Variants in PPFIBP2 observed in about 807,000 individuals in gnomAD.
The protein encoded by PPFIBP2 is liprin-beta-2.
In PPFIBP2, 118 loss-of-function variants were observed where a neutral mutation model predicts 118.3. The ratio of observed to expected loss-of-function variants is 1.00; its 90% CI spans 0.86 to 1.16. The LOEUF is 1.16. Among genes scored for constraint, PPFIBP2 ranks in the 50% most tolerant of loss-of-function variants. The probability of loss-of-function intolerance (pLI) is 0.00; values close to 1 mark genes in which losing one functional copy is unlikely to be tolerated. For synonymous variants in PPFIBP2, 414 were observed against 397.4 expected (o/e 1.04, Z -0.50); for missense variants, 1,195 against 1,073.1 (o/e 1.11, Z -1.59).
At chr11:7,651,379 T>C (rs993619482) in intron 22 of PPFIBP2, 3 of 410,558 alleles carry the variant, frequency 7.3e-6, no homozygotes, top group Non-Finnish European at 1.3e-5. Context: ...GGCTTGGATG[T>C]CATCCAGAGA....
At chr11:7,617,701 G>C (rs1848829467) in intron 6 of PPFIBP2, among the ~76,000 whole-genome samples, 1 of 152,026 alleles carries the variant, frequency 6.6e-6, no homozygotes, top group South Asian at 2.1e-4. Flanking sequence ...TTAAGGAAAA[G>C]AAGTATTATG....
At chr11:7,633,170 G>T (rs950204631) in intron 12 of PPFIBP2, among the ~76,000 whole-genome samples, 3 of 152,206 alleles carry the variant, frequency 2.0e-5, no homozygotes, top group East Asian at 3.8e-4. Context: ...TCTGGCCAAG[G>T]ATTAGAGCCT....
At chr11:7,591,910 G>A (rs1486018969) in intron 3 of PPFIBP2, among the ~76,000 whole-genome samples, 1 of 152,212 alleles carries the variant, frequency 6.6e-6, no homozygotes, top group Admixed American at 6.5e-5. Flanking sequence ...TGGGATGAGG[G>A]GAGGAAGGAG....
At chr11:7,581,061 T>C (rs1010077946) in intron 3 of PPFIBP2, among the ~76,000 whole-genome samples, 9 of 152,262 alleles carry the variant, frequency 5.9e-5, no homozygotes, top group Non-Finnish European at 8.8e-5. Context: ...CCTCATTGGC[T>C]GCTGGATCTG....
intron 1 of PPFIBP2, among the ~76,000 whole-genome samples, chr11:7,547,008 A>C (rs979156704): frequency 2.0e-5 from 3 of 152,236 alleles, no homozygotes; most frequent in Non-Finnish European, 2.9e-5. Context: ...CCATTTATTC[A>C]TAAGTATCTA....
intron 1 of PPFIBP2, among the ~76,000 whole-genome samples, chr11:7,531,759 C>T (rs1850709494): frequency 6.6e-6 from 1 of 151,440 alleles, no homozygotes; most frequent in African/African-American, 2.5e-5. Context: ...TTATGGAGGC[C>T]AGAACTCTAA....
intron 3 of PPFIBP2, among the ~76,000 whole-genome samples, chr11:7,578,477 C>A (rs1023850433): frequency 5.3e-5 from 8 of 152,208 alleles, no homozygotes; most frequent in African/African-American, 1.9e-4. Context: ...ACCCCGACTC[C>A]CGGACACTGA....
intron 4 of PPFIBP2, among the ~76,000 whole-genome samples, chr11:7,596,715 T>A (rs1027333549): frequency 6.6e-6 from 1 of 152,190 alleles, no homozygotes; most frequent in Non-Finnish European, 1.5e-5. Flanking sequence ...GTTTATCAAC[T>A]GCTAATTTCT....
At chr11:7,552,698 C>T (rs914862674) in intron 2 of PPFIBP2, among the ~76,000 whole-genome samples, 3 of 152,178 alleles carry the variant, frequency 2.0e-5, no homozygotes, top group Non-Finnish European at 4.4e-5. Flanking sequence ...GCTTTCGTGG[C>T]CCTTTATGCA....
chr11:7,587,024 T>TAA (rs1261207284), intron 3 of PPFIBP2, among the ~76,000 whole-genome samples: 1 of 152,252 alleles, frequency 6.6e-6, no homozygotes, highest in Non-Finnish European at 1.5e-5. Flanking sequence ...TGTTTGAACT[T>TAA]ACTTTTTCAT....
At chr11:7,549,665 G>A (rs1297472029) in intron 2 of PPFIBP2, 126 bp downstream of exon 2, 1 of 1,023,152 alleles carries the variant, frequency 9.8e-7, no homozygotes, top group East Asian at 2.7e-5. Context: ...TTATTTTTCA[G>A]TGGTGTTATT....
the PPFIBP2 span, chr11:7,665,327 G>GAAAC: frequency 7.0e-7 from 1 of 1,428,538 alleles, no homozygotes; most frequent in Non-Finnish European, 9.3e-7. Context: ...AACTTACTCT[G>GAAAC]AAACAGATGA....
At chr11:7,608,973 A>G (rs539408271) in intron 5 of PPFIBP2, among the ~76,000 whole-genome samples, 2 of 152,130 alleles carry the variant, frequency 1.3e-5, no homozygotes, top group South Asian at 4.1e-4. Context: ...TGGCCCAGGA[A>G]GAGCTGGCCT....
intron 12 of PPFIBP2, 147 bp downstream of exon 12, chr11:7,633,081 C>A: frequency 2.9e-6 from 2 of 684,884 alleles, no homozygotes; most frequent in Admixed American, 2.2e-5. Context: ...CAGTTACAAA[C>A]CAGGCCTACC....
intron 1 of PPFIBP2, among the ~76,000 whole-genome samples, 160 bp from the exon 2 acceptor site, chr11:7,549,280 A>G (rs1187027515): frequency 6.6e-6 from 1 of 152,242 alleles, no homozygotes; most frequent in Non-Finnish European, 1.5e-5. Context: ...CACTCATGCC[A>G]AGAGGGAAAA....
chr11:7,539,676 G>A (rs1300002415), intron 1 of PPFIBP2, among the ~76,000 whole-genome samples: 2 of 152,208 alleles, frequency 1.3e-5, no homozygotes, highest in African/African-American at 2.4e-5. Flanking sequence ...TGGGAGTGGC[G>A]AGGGGGACCC....
chr11:7,597,932 T>G, intron 5 of PPFIBP2: 1 of 405,336 alleles, frequency 2.5e-6, no homozygotes, highest in East Asian at 4.8e-5. Context: ...CAGACAGCAC[T>G]TTCTCCAGAC....
chr11:7,644,709 A>C (rs1165871810), intron 17 of PPFIBP2, among the ~76,000 whole-genome samples: 1 of 152,150 alleles, frequency 6.6e-6, no homozygotes, highest in African/African-American at 2.4e-5. Flanking sequence ...TAACAGGGCC[A>C]GGTGTTTTGA....
At chr11:7,665,270 A>G in the PPFIBP2 span, 4 of 1,040,584 alleles carry the variant, frequency 3.8e-6, no homozygotes, top group East Asian at 2.7e-5. Context: ...GCGAAGGTAC[A>G]TGGCAAGGCA....
Sources: gnomAD v4.1 joint callset for allele counts (sites outside exome capture counted in the v4.1 genomes callset) on GRCh38, gnomAD v4.1.1 for gene constraint, MANE v1.5 for transcripts, NCBI Gene and HGNC (gene_info 2026-07-23, HGNC 2026-07-21) for gene names.